Variants in RBFOX1 observed in about 807,000 individuals in gnomAD.
RBFOX1 encodes RNA binding fox-1 homolog 1.
RBFOX1 carries 8 observed loss-of-function variants against 57.7 expected under a neutral mutation model. The observed-to-expected ratio is 0.14, with a 90% confidence interval of 0.08 to 0.25. The LOEUF is 0.25. Ranked by LOEUF, RBFOX1 falls within the 10% of genes least tolerant of loss-of-function variation. RBFOX1 has a pLI of 1.00. For synonymous variants in RBFOX1, 326 were observed against 222.4 expected (o/e 1.47, Z -4.15); for missense variants, 611 against 548.5 (o/e 1.11, Z -1.14).
chr16:6,135,785 C>CTTTTT (rs35563303), intron 1 of RBFOX1, among the ~76,000 whole-genome samples: 7 of 85,034 alleles, frequency 8.2e-5, no homozygotes, highest in African/African-American at 2.1e-4. Context: ...CTCGTTTCGA[C>CTTTTT]TTTTTTTTTT....
Position 7,543,459 on chromosome 16 carries a change from C to T in RBFOX1, c.270+25070C>T, listed in dbSNP as rs535474223. Among the ~76,000 whole-genome samples, 133 of 152,258 alleles carry T rather than the reference C, an allele frequency of 8.7e-4. 1 individual carries two copies. The highest frequency in any genetic ancestry group is 3.1e-3 in the African/African-American group (127 of 41,550). ...GGTTCTAGGCACCTGTCCCTTGTAACACCTGAATTGGAAAACTCCTGGATA... is the reference window on the plus strand; with the variant it reads ...GGTTCTAGGCACCTGTCCCTTGTAATACCTGAATTGGAAAACTCCTGGATA... On this transcript the variant is annotated intron_variant, in intron 5 of 15. Transcript: ENST00000550418.
At chr16:6,177,249 T>C (rs2097019240) in intron 1 of RBFOX1, among the ~76,000 whole-genome samples, 1 of 149,194 alleles carries the variant, frequency 6.7e-6, no homozygotes, top group South Asian at 2.2e-4. Flanking sequence ...ACCATCCCAC[T>C]CATACACTGT....
At chr16:7,293,065 A>C (rs1284485053) in intron 4 of RBFOX1, among the ~76,000 whole-genome samples, 1 of 152,162 alleles carries the variant, frequency 6.6e-6, no homozygotes, top group African/African-American at 2.4e-5. Flanking sequence ...AGGGCACTAG[A>C]ATAGCCAAAT....
chr16:6,081,664 T>C (rs923221549), intron 1 of RBFOX1, among the ~76,000 whole-genome samples: 2 of 152,230 alleles, frequency 1.3e-5, no homozygotes, highest in African/African-American at 4.8e-5. Flanking sequence ...TGATTTTATT[T>C]ATTTATTTAT....
intron 3 of RBFOX1, among the ~76,000 whole-genome samples, chr16:5,697,745 G>T (rs905284283): frequency 6.6e-6 from 1 of 151,948 alleles, no homozygotes; most frequent in African/African-American, 2.4e-5. Flanking sequence ...TATTGGCCAG[G>T]CTGGTCTCGA....
At chr16:7,520,574 A>C (rs149380204) in intron 5 of RBFOX1, among the ~76,000 whole-genome samples, 77 of 152,282 alleles carry the variant, frequency 5.1e-4, no homozygotes, top group Non-Finnish European at 9.8e-4. Context: ...TTTATTCATT[A>C]GTCCATTGAT....
chr16:5,747,725 G>A (rs115250284), intron 3 of RBFOX1, among the ~76,000 whole-genome samples: 3,293 of 152,036 alleles, frequency 0.022, 107 homozygotes, highest in African/African-American at 0.074. Context: ...GGTGATATCC[G>A]CTTTATCATT....
intron 3 of RBFOX1, among the ~76,000 whole-genome samples, chr16:5,807,667 C>G (rs2055276242): frequency 6.6e-6 from 1 of 152,152 alleles, no homozygotes; most frequent in African/African-American, 2.4e-5. Flanking sequence ...TTCTGGAAGT[C>G]CTGGCTTCTG....
At chr16:6,082,792 G>C (rs775524356) in intron 1 of RBFOX1, among the ~76,000 whole-genome samples, 1 of 152,080 alleles carries the variant, frequency 6.6e-6, no homozygotes, top group Non-Finnish European at 1.5e-5. Context: ...TATCAGTTTG[G>C]CTTGTAACTA....
intron 3 of RBFOX1, among the ~76,000 whole-genome samples, chr16:5,792,598 T>C (rs1222881228): frequency 6.6e-6 from 1 of 152,172 alleles, no homozygotes; most frequent in Non-Finnish European, 1.5e-5. Context: ...ATCCCAGCAC[T>C]TTGGGAGGCT....
At chr16:5,650,974 C>G (rs565475844) in intron 3 of RBFOX1, among the ~76,000 whole-genome samples, 3 of 150,076 alleles carry the variant, frequency 2.0e-5, no homozygotes, top group African/African-American at 7.3e-5. Context: ...CCTCCCCTGT[C>G]CTTCCTTGCT....
At chr16:7,618,494 A>G (rs2058814994) in intron 10 of RBFOX1, among the ~76,000 whole-genome samples, 1 of 152,194 alleles carries the variant, frequency 6.6e-6, no homozygotes, top group African/African-American at 2.4e-5. Flanking sequence ...ATCTTTTAAG[A>G]AAGTAAATTA....
intron 3 of RBFOX1, among the ~76,000 whole-genome samples, chr16:6,895,982 A>T (rs1386886065): frequency 6.6e-6 from 1 of 152,126 alleles, no homozygotes; most frequent in Non-Finnish European, 1.5e-5. Flanking sequence ...TGATACAGGC[A>T]TGCTGTGTGA....
chr16:5,738,274 A>G (rs939738738), intron 3 of RBFOX1, among the ~76,000 whole-genome samples: 6 of 143,618 alleles, frequency 4.2e-5, no homozygotes, highest in Admixed American at 2.2e-4. Context: ...CCATCACCCA[A>G]GTATTTAACG....
At chr16:5,770,665 T>C (rs777688706) in intron 3 of RBFOX1, among the ~76,000 whole-genome samples, 5 of 152,246 alleles carry the variant, frequency 3.3e-5, no homozygotes, top group Non-Finnish European at 5.9e-5. Context: ...TTGAATTCTT[T>C]CCTGCACATA....
intron 1 of RBFOX1, among the ~76,000 whole-genome samples, chr16:5,335,418 A>G (rs35159128): frequency 0.14 from 20,794 of 152,166 alleles, 1,814 homozygotes; most frequent in African/African-American, 0.25. Flanking sequence ...TTTTCCCGTC[A>G]TCAGCGGGAC....
intron 2 of RBFOX1, among the ~76,000 whole-genome samples, chr16:5,574,639 C>T (rs867455188): frequency 6.6e-6 from 1 of 152,080 alleles, no homozygotes; most frequent in African/African-American, 2.4e-5. Flanking sequence ...CCAAGTTGGT[C>T]AGACTGGTCT....
rs562839370 is a variant in RBFOX1 at position 7,486,288 on chromosome 16, C to T, written c.28-31859C>T. ...CAGTCCTCCTGAGAACCTGCCACCA[C>T]GCCTGGTTCATTTTTGTTTTTTTTG... On this transcript the variant is annotated intron_variant, in intron 4 of 15. Coordinates refer to ENST00000550418, the MANE Select transcript of RBFOX1 (RefSeq NM_018723.4). 1.0e-4 allele frequency among the ~76,000 whole-genome samples: 15 copies of T among 150,384 alleles called. No individual in the cohort carries two copies. In the South Asian group the frequency reaches 1.1e-3, roughly 11 times the overall value.
intron 2 of RBFOX1, among the ~76,000 whole-genome samples, chr16:6,364,750 C>T (rs567318422): frequency 1.5e-4 from 23 of 152,306 alleles, no homozygotes; most frequent in African/African-American, 5.5e-4. Context: ...CCACAAATAT[C>T]AGAGGACATT....
Sources: gnomAD v4.1 joint callset for allele counts (sites outside exome capture counted in the v4.1 genomes callset) on GRCh38, gnomAD v4.1.1 for gene constraint, MANE v1.5 for transcripts, NCBI Gene and HGNC (gene_info 2026-07-23, HGNC 2026-07-21) for gene names.